The following PDE7B variants were observed in gnomAD, a reference collection of about 807,000 sequenced individuals.
The protein encoded by PDE7B is phosphodiesterase 7B, also known as 3',5'-cyclic-AMP phosphodiesterase 7B.
A neutral mutation model predicts 56.2 loss-of-function variants in PDE7B; 29 were observed. The ratio of observed to expected loss-of-function variants is 0.52; its 90% confidence interval spans 0.38 to 0.70. PDE7B has a LOEUF of 0.70. Among genes scored for constraint, PDE7B ranks in the 30% least tolerant of loss-of-function variants. The pLI, the probability that PDE7B is intolerant of heterozygous loss-of-function variation, is 0.00. For missense variants in PDE7B, 490 were observed against 565.0 expected (o/e 0.87, Z 1.35); for synonymous variants, 197 against 196.9 (o/e 1.00, Z 0.00).
intron 6 of PDE7B, 143 bp from the exon 7 acceptor site, chr6:136,153,932 C>G (rs982510399): frequency 5.1e-6 from 3 of 589,410 alleles, no homozygotes; most frequent in Non-Finnish European, 9.1e-6. Context: ...AGCTTGCAAA[C>G]CACGTTTATT....
chr6:135,875,684 G>A, intron 1 of PDE7B, among the ~76,000 whole-genome samples: 1 of 152,160 alleles, frequency 6.6e-6, no homozygotes, highest in East Asian at 1.9e-4. Flanking sequence ...ATTCAATCTT[G>A]AAGGGTATGT....
At chr6:135,887,461 T>C (rs1775729925) in intron 1 of PDE7B, among the ~76,000 whole-genome samples, 1 of 152,126 alleles carries the variant, frequency 6.6e-6, no homozygotes, top group African/African-American at 2.4e-5. Context: ...TAAGAGAATA[T>C]GAAAGGATCT....
intron 2 of PDE7B, chr6:136,094,883 A>C (rs1777448071): frequency 6.6e-6 from 1 of 152,238 alleles, no homozygotes; most frequent in African/African-American, 2.4e-5. Context: ...GTATAGACCT[A>C]GTCATGCAGA....
At chr6:136,119,014 G>C (rs1265633137) in intron 3 of PDE7B, among the ~76,000 whole-genome samples, 1 of 152,080 alleles carries the variant, frequency 6.6e-6, no homozygotes, top group Non-Finnish European at 1.5e-5. Flanking sequence ...GAAAGAAAAG[G>C]GCGTGGTGGT....
At chr6:135,919,960 T>C (rs1774039462) in intron 1 of PDE7B, among the ~76,000 whole-genome samples, 1 of 152,152 alleles carries the variant, frequency 6.6e-6, no homozygotes, top group South Asian at 2.1e-4. Flanking sequence ...TCACAAGAAA[T>C]CTTTAAAGTA....
At chr6:136,077,929 G>A (rs1777148872) in intron 2 of PDE7B, among the ~76,000 whole-genome samples, 1 of 152,190 alleles carries the variant, frequency 6.6e-6, no homozygotes, top group South Asian at 2.1e-4. Context: ...AGTCACCACT[G>A]CTGATTCAAA....
intron 2 of PDE7B, among the ~76,000 whole-genome samples, chr6:135,974,802 T>A (rs1775155064): frequency 1.3e-5 from 2 of 152,216 alleles, no homozygotes; most frequent in African/African-American, 4.8e-5. Context: ...TGGTGTCACC[T>A]TTTCTGATCC....
At chr6:135,952,816 C>T (rs922270612) in intron 2 of PDE7B, among the ~76,000 whole-genome samples, 2 of 152,058 alleles carry the variant, frequency 1.3e-5, no homozygotes, top group Non-Finnish European at 2.9e-5. Context: ...TTACAGAGAG[C>T]TTTACTGTCA....
chr6:136,142,205 G>T (rs555354322), intron 3 of PDE7B, among the ~76,000 whole-genome samples: 50 of 152,152 alleles, frequency 3.3e-4, no homozygotes, highest in East Asian at 5.8e-4. Context: ...CCTTCATTTC[G>T]TTATGTACCC....
intron 2 of PDE7B, among the ~76,000 whole-genome samples, chr6:135,955,428 G>A (rs188200672): frequency 6.6e-6 from 1 of 152,206 alleles, no homozygotes; most frequent in East Asian, 1.9e-4. Context: ...ATTTCTAAGA[G>A]CAACAGGTAC....
intron 2 of PDE7B, among the ~76,000 whole-genome samples, chr6:135,991,394 G>T (rs1349382690): frequency 6.9e-6 from 1 of 145,434 alleles, no homozygotes; most frequent in African/African-American, 2.6e-5. Flanking sequence ...ACATCACGTT[G>T]TACACCACAA....
intron 1 of PDE7B, among the ~76,000 whole-genome samples, chr6:135,907,475 T>G (rs948357394): frequency 1.3e-5 from 2 of 152,090 alleles, no homozygotes; most frequent in Admixed American, 6.6e-5. Flanking sequence ...CAATTATTTG[T>G]TTATATTTTG....
intron 10 of PDE7B, 42 bp downstream of exon 10, chr6:136,179,183 A>T: frequency 6.3e-7 from 1 of 1,590,508 alleles, no homozygotes. Flanking sequence ...CTGAGTGAAA[A>T]CACTCAGCTG....
intron 1 of PDE7B, among the ~76,000 whole-genome samples, chr6:135,940,665 AG>A (rs1774492412): frequency 6.6e-6 from 1 of 152,176 alleles, no homozygotes; most frequent in African/African-American, 2.4e-5. Context: ...GTTGGGGAAA[AG>A]TGTGAGATGA....
chr6:135,903,290 G>A (rs1776038425), intron 1 of PDE7B, among the ~76,000 whole-genome samples: 1 of 152,194 alleles, frequency 6.6e-6, no homozygotes, highest in Admixed American at 6.5e-5. Flanking sequence ...TATGGATGAA[G>A]AAACTGAATT....
rs1337158102 is a variant in PDE7B at position 136,173,828 on chromosome 6, G to T, written c.743G>T (p.Arg248Leu). 3 of 1,611,978 alleles carry T rather than the reference G, an allele frequency of 1.9e-6. No individual in the cohort carries two copies. Among genetic ancestry groups the T allele is most frequent in the Non-Finnish European group, 1.7e-6 (2 of 1,178,354 alleles). The change falls in exon 9 of 13, where the codon CGA (arginine) becomes CTA (leucine). Residue 248 changes from arginine to leucine, a missense_variant. By Grantham distance (102) the Arg-to-Leu change is moderately radical (BLOSUM62 -2). Coordinates refer to ENST00000308191, the MANE Select transcript of PDE7B (RefSeq NM_018945.4). ...TCTGTGCTGGAGAATCATCACTGGC[G>T]ATCTACAATTGGCATGCTTCGAGAA... ...NMSVLENHHW[R>L]STIGMLRESR... is the part of the protein sequence containing the mutation.
intron 1 of PDE7B, among the ~76,000 whole-genome samples, chr6:135,884,733 G>A (rs1775671283): frequency 6.6e-6 from 1 of 152,110 alleles, no homozygotes; most frequent in South Asian, 2.1e-4. Context: ...CACTGGGATT[G>A]TATCATGTGT....
At chr6:136,053,855 T>C (rs1776679436) in intron 2 of PDE7B, among the ~76,000 whole-genome samples, 2 of 152,216 alleles carry the variant, frequency 1.3e-5, no homozygotes, top group Admixed American at 6.5e-5. Flanking sequence ...CACAAATGTC[T>C]TCTTTTGAGA....
chr6:136,170,386 C>T (rs1244830742), intron 8 of PDE7B, among the ~76,000 whole-genome samples: 1 of 152,134 alleles, frequency 6.6e-6, no homozygotes, highest in Non-Finnish European at 1.5e-5. Context: ...ATCATCACCA[C>T]TACCCAACTC....
Sources: gnomAD v4.1 joint callset for allele counts (sites outside exome capture counted in the v4.1 genomes callset) on GRCh38, gnomAD v4.1.1 for gene constraint, MANE v1.5 for transcripts, NCBI Gene and HGNC (gene_info 2026-07-23, HGNC 2026-07-21) for gene names.